MTHFD1L: variants seen among roughly 807,000 people sequenced by gnomAD.
The protein encoded by MTHFD1L is methylenetetrahydrofolate dehydrogenase (NADP+ dependent) 1 like.
Under a neutral mutation model 119.5 loss-of-function variants are expected in MTHFD1L, and 81 were observed. That is an observed-to-expected ratio of 0.68 (90% CI 0.57 to 0.82). The LOEUF (loss-of-function observed/expected upper bound fraction) is 0.82, where lower values mean the gene tolerates loss of function less well. MTHFD1L is among the 40% of genes least tolerant of loss of function. MTHFD1L has a pLI of 0.00. For missense variants in MTHFD1L, 1,125 were observed against 1,253.4 expected (o/e 0.90, Z 1.55); for synonymous variants, 430 against 475.2 (o/e 0.90, Z 1.24).
chr6:150,905,910 G>A, intron 8 of MTHFD1L, 149 bp downstream of exon 8: 1 of 638,116 alleles, frequency 1.6e-6, no homozygotes. Flanking sequence ...TGGGCTACCT[G>A]ATAGAACCAT....
chr6:150,971,921 T>G (rs768689191), intron 19 of MTHFD1L, 26 bp from the exon 20 acceptor site: 1 of 1,600,238 alleles, frequency 6.2e-7, no homozygotes, highest in African/African-American at 1.3e-5. Context: ...CTTTTGGGAT[T>G]TTGATTTGCT....
chr6:151,091,845 C>T (rs1452183381), intron 26 of MTHFD1L, among the ~76,000 whole-genome samples: 1 of 152,110 alleles, frequency 6.6e-6, no homozygotes, highest in Non-Finnish European at 1.5e-5. Flanking sequence ...GTGACTTAGC[C>T]TCTCCAAACC....
chr6:150,938,725 C>A lies in MTHFD1L; in HGVS notation c.1420C>A (p.Gln474Lys). The stretch of plus-strand genomic sequence containing the variant: ...AGGAGCCGCGGGTGGTGGATATGCC[C>A]AGGTCATCCCCATGGAGGAGGTAAG... ...KGGAAGGGYAQVIPMEEFNLH... is the reference protein window; with the variant it reads ...KGGAAGGGYAKVIPMEEFNLH... Residue 474 changes from glutamine to lysine, a missense_variant, in exon 13 of 28, where the codon CAG becomes AAG. Around this residue, in one of 3 missense-constraint regions of MTHFD1L, gnomAD observed 1,058 missense variants for 1,151.2 expected, o/e 0.92. Coordinates refer to ENST00000367321, the MANE Select transcript of MTHFD1L (RefSeq NM_015440.5). 1.2e-6 allele frequency: 2 copies of A among 1,610,580 alleles called. No individual in the cohort carries two copies.
At chr6:151,078,294 A>G (rs1320645836) in intron 26 of MTHFD1L, among the ~76,000 whole-genome samples, 1 of 152,004 alleles carries the variant, frequency 6.6e-6, no homozygotes, top group African/African-American at 2.4e-5. Context: ...AAAGAAGAAA[A>G]TTAGCCAGGT....
chr6:150,876,316 T>G (rs1268963714), intron 2 of MTHFD1L, 142 bp downstream of exon 2: 1 of 685,888 alleles, frequency 1.5e-6, no homozygotes, highest in African/African-American at 1.8e-5. Context: ...GTCTTTTGCT[T>G]CTTTGGGGTC....
chr6:150,945,198 A>G (rs758113497), intron 14 of MTHFD1L, among the ~76,000 whole-genome samples: 1 of 152,264 alleles, frequency 6.6e-6, no homozygotes, highest in Non-Finnish European at 1.5e-5. Context: ...TAATCCAGAT[A>G]CATCTTCATA....
At chr6:150,871,495 C>CTTTTTTT (rs149449398) in intron 1 of MTHFD1L, among the ~76,000 whole-genome samples, 21 of 102,140 alleles carry the variant, frequency 2.1e-4, no homozygotes, top group East Asian at 3.0e-4. Flanking sequence ...CTACTGTAAT[C>CTTTTTTT]TTTTTTTTTT....
At chr6:151,022,737 C>A (rs1172052436) in intron 24 of MTHFD1L, among the ~76,000 whole-genome samples, 1 of 152,194 alleles carries the variant, frequency 6.6e-6, no homozygotes, top group Non-Finnish European at 1.5e-5. Flanking sequence ...TTCTTCAGCG[C>A]TCCCTCTTCT....
chr6:150,917,397 C>T (rs2032355805), intron 8 of MTHFD1L, among the ~76,000 whole-genome samples: 1 of 152,022 alleles, frequency 6.6e-6, no homozygotes, highest in South Asian at 2.1e-4. Flanking sequence ...TTGGCAGGTG[C>T]CGTAATCCCA....
At chr6:150,947,667 T>G (rs774025544) in intron 15 of MTHFD1L, among the ~76,000 whole-genome samples, 10 of 149,752 alleles carry the variant, frequency 6.7e-5, no homozygotes, top group Non-Finnish European at 1.3e-4. Context: ...GGAATAAACT[T>G]AACTTGAATT....
intron 24 of MTHFD1L, among the ~76,000 whole-genome samples, chr6:151,019,904 T>C (rs574192337): frequency 5.6e-4 from 86 of 152,336 alleles, no homozygotes; most frequent in African/African-American, 2.0e-3. Flanking sequence ...GGTAAAACTT[T>C]AGTAACTTAA....
intron 24 of MTHFD1L, among the ~76,000 whole-genome samples, chr6:151,015,918 C>G (rs1782982010): frequency 6.6e-6 from 1 of 152,128 alleles, no homozygotes; most frequent in Non-Finnish European, 1.5e-5. Flanking sequence ...GAAACCCCAT[C>G]TCTACTAAAA....
At chr6:151,054,463 C>T (rs1789568522) in intron 26 of MTHFD1L, among the ~76,000 whole-genome samples, 1 of 152,174 alleles carries the variant, frequency 6.6e-6, no homozygotes, top group Non-Finnish European at 1.5e-5. Flanking sequence ...TGATGGAGTG[C>T]TCCAGTTCAT....
intron 11 of MTHFD1L, among the ~76,000 whole-genome samples, chr6:150,930,383 C>A (rs902051249): frequency 1.3e-5 from 2 of 152,140 alleles, no homozygotes; most frequent in African/African-American, 4.8e-5. Context: ...GTTATCAAAC[C>A]ATTATATGCA....
intron 11 of MTHFD1L, among the ~76,000 whole-genome samples, chr6:150,932,161 C>CAAAAAAA (rs5880902): frequency 2.5e-4 from 10 of 39,462 alleles, no homozygotes; most frequent in South Asian, 1.7e-3. Context: ...GACTCCATCT[C>CAAAAAAA]AAAAAAAAAA....
intron 27 of MTHFD1L, among the ~76,000 whole-genome samples, chr6:151,096,009 C>CTCAA (rs1240687043): frequency 6.6e-6 from 1 of 152,228 alleles, no homozygotes; most frequent in East Asian, 1.9e-4. Flanking sequence ...AAAGCCAAGA[C>CTCAA]TCAACTCAGA....
chr6:150,907,310 AG>A (rs1786083933), intron 8 of MTHFD1L, among the ~76,000 whole-genome samples: 1 of 152,152 alleles, frequency 6.6e-6, no homozygotes, highest in South Asian at 2.1e-4. Flanking sequence ...GTTTCCTTTT[AG>A]GACCCTTATT....
intron 26 of MTHFD1L, among the ~76,000 whole-genome samples, chr6:151,054,003 T>C (rs978741528): frequency 1.3e-5 from 2 of 152,232 alleles, no homozygotes; most frequent in African/African-American, 4.8e-5. Context: ...ATTTTAACTT[T>C]TAATTTTAAC....
At chr6:151,038,728 C>T (rs1274775434) in intron 26 of MTHFD1L, among the ~76,000 whole-genome samples, 3 of 152,068 alleles carry the variant, frequency 2.0e-5, no homozygotes, top group Non-Finnish European at 4.4e-5. Flanking sequence ...AATCAAGGTC[C>T]GCACTTTGGC....
Sources: gnomAD v4.1 joint callset for allele counts (sites outside exome capture counted in the v4.1 genomes callset) on GRCh38, gnomAD v4.1.1 for gene constraint, gnomAD v4.1.1 regional missense constraint, MANE v1.5 for transcripts, NCBI Gene and HGNC (gene_info 2026-07-23, HGNC 2026-07-21) for gene names.